The following PZP variants were observed in gnomAD, a reference collection of about 807,000 sequenced individuals.
The protein encoded by PZP is PZP alpha-2-macroglobulin like.
In PZP, 150 loss-of-function variants were observed where a neutral mutation model predicts 179.8. That is an observed-to-expected ratio of 0.83 (90% CI 0.73 to 0.96). The LOEUF is 0.96. PZP is among the 40% of genes least tolerant of loss of function. The probability of loss-of-function intolerance (pLI) is 0.00; values close to 1 mark genes in which losing one functional copy is unlikely to be tolerated. For missense variants in PZP, 1,689 were observed against 1,764.0 expected (o/e 0.96, Z 0.76); for synonymous variants, 624 against 652.3 (o/e 0.96, Z 0.66).
At position 9,160,017 on chromosome 12, in the gene PZP, T is replaced by C; in HGVS notation, c.3058A>G (p.Arg1020Gly). ...TCTTGGTGTTTGTAGTTCAGCTGTC[T>C]CTGGTAACCTGAAATGGAAGGCTTC... ...AVGYLITGYQ[R>G]QLNYKHQDGS... The change falls in exon 25 of 36, where the codon AGA becomes GGA. Residue 1020 changes from arginine to glycine, a missense_variant. Arg to Gly is a moderately radical substitution (Grantham distance 125, BLOSUM62 -2). This residue lies in a region of PZP where 746 missense variants were observed against 749.2 expected (regional missense o/e 1.00). Transcript: ENST00000261336. 3 of 1,613,604 alleles carry C rather than the reference T, an allele frequency of 1.9e-6. No individual in the cohort carries two copies. Among genetic ancestry groups the C allele is most frequent in the Non-Finnish European group, 2.5e-6 (3 of 1,179,538 alleles).
chr12:9,204,501 T>C (rs1944349972), intron 1 of PZP, among the ~76,000 whole-genome samples: 1 of 152,208 alleles, frequency 6.6e-6, no homozygotes, highest in Non-Finnish European at 1.5e-5. Flanking sequence ...CAAAATCATT[T>C]TCTTAATATC....
intron 13 of PZP, among the ~76,000 whole-genome samples, chr12:9,186,893 T>C (rs966599809): frequency 1.7e-4 from 26 of 151,766 alleles, no homozygotes; most frequent in South Asian, 6.3e-4. Context: ...GAGAAATACC[T>C]AATATAGATG....
chr12:9,177,285 A>T (rs2120913086), intron 15 of PZP, among the ~76,000 whole-genome samples: 1 of 152,316 alleles, frequency 6.6e-6, no homozygotes, highest in African/African-American at 2.4e-5. Context: ...ACATTGTGGG[A>T]CACCAGCAGC....
intron 25 of PZP, among the ~76,000 whole-genome samples, 180 bp downstream of exon 25, chr12:9,159,758 T>A (rs1289480457): frequency 2.0e-5 from 3 of 151,452 alleles, no homozygotes; most frequent in Non-Finnish European, 4.4e-5. Context: ...CTCAACTAGA[T>A]GCGGCCCCTA....
At chr12:9,204,127 C>G (rs1260129387) in intron 1 of PZP, among the ~76,000 whole-genome samples, 176 bp from the exon 2 acceptor site, 1 of 152,172 alleles carries the variant, frequency 6.6e-6, no homozygotes, top group Non-Finnish European at 1.5e-5. Flanking sequence ...TTATCTTTTA[C>G]TCATCAGCCA....
In PZP at chr12:9,156,644, C is replaced by T. The variant is rs1371105836; in HGVS notation, c.3550+531G>A. ...TTGGTTTTAGCAAGTAGAAATAAAACTGCATTATTTATCTGCAGCATTATG... is the reference window on the plus strand; with the variant it reads ...TTGGTTTTAGCAAGTAGAAATAAAATTGCATTATTTATCTGCAGCATTATG... On this transcript the variant is annotated intron_variant, in intron 28 of 35. Transcript: ENST00000261336. Among the ~76,000 whole-genome samples the T allele has an allele frequency of 4.6e-5, 7 of 152,310 alleles. No individual in the cohort carries two copies. The East Asian group carries it at 1.3e-3, about 29-fold the overall frequency.
At position 9,161,117 on chromosome 12, in the gene PZP, C is replaced by A. The variant is rs1941172639; in HGVS notation, c.2789-1G>T. 4 of 1,562,814 alleles carry A rather than the reference C, an allele frequency of 2.6e-6. No homozygotes were observed. Among genetic ancestry groups the A allele is most frequent in the Middle Eastern group, 3.4e-4 (2 of 5,896 alleles). On this transcript the variant is annotated splice_acceptor_variant, in intron 22 of 35. Transcript: ENST00000261336. LOFTEE classifies it high-confidence loss of function. ...GACAACTGCTCAGACACATTAGCAC[C>A]TTTAGAAACAGACAGCCCATGTTAA...
rs147359935 is a variant in PZP at position 9,201,045 on chromosome 12, G to A, written c.517C>T (p.Arg173Ter). Reference sequence around the variant, plus strand: ...TTGAGACTCTGCCATTGTGCAATTCGATTTCTTCTTGGGTTCTGAAGGGAA... The same window carrying A: ...TTGAGACTCTGCCATTGTGCAATTCAATTTCTTCTTGGGTTCTGAAGGGAA... Reference protein sequence around the residue: ...LIYLENPRRNRIAQWQSLKLE... With the variant: ...LIYLENPRRN The change falls in exon 6 of 36, where the codon CGA (arginine) becomes TGA (stop). Residue 173 changes from arginine to a stop codon, truncating the protein, a stop_gained. Transcript: ENST00000261336. LOFTEE classifies it high-confidence loss of function. 1.6e-5 allele frequency: 26 copies of A among 1,613,876 alleles called. No homozygotes were observed. In the South Asian group the frequency reaches 2.0e-4, roughly 12 times the overall value.
rs781371458 is a variant in PZP at position 9,164,271 on chromosome 12, T to C, written c.2488-12A>G. On this transcript the variant is annotated splice_polypyrimidine_tract_variant and intron_variant, in intron 19 of 35. Coordinates refer to ENST00000261336, the MANE Select transcript of PZP (RefSeq NM_002864.3). ...AGCTGCACACTGACCTATCACCCCA[T>C]GTGAGGCAGAGACAGAAATGATCAG... is the stretch of plus-strand genomic sequence containing the variant. 13 of 1,611,216 alleles carry C rather than the reference T, an allele frequency of 8.1e-6. No homozygotes were observed. Among genetic ancestry groups the C allele is most frequent in the South Asian group, 7.7e-5 (7 of 90,898 alleles).
At chr12:9,183,096 T>C (rs1942878018) in intron 13 of PZP, among the ~76,000 whole-genome samples, 1 of 152,238 alleles carries the variant, frequency 6.6e-6, no homozygotes, top group Non-Finnish European at 1.5e-5. Context: ...AGAAGAACTA[T>C]AATTGATTTT....
At position 9,204,567 on chromosome 12, in the gene PZP, A is replaced by G. The variant is rs1361767580; in HGVS notation, c.84-616T>C. ...CTCTTAGGCTCCTCAGATACAGCTC[A>G]GTCAAAGTCAATATTTTATCAACGA... On this transcript the variant is annotated intron_variant, in intron 1 of 35. Transcript: ENST00000261336. Among the ~76,000 whole-genome samples the G allele has an allele frequency of 2.0e-5, 3 of 152,132 alleles. No homozygotes were observed. The East Asian group carries it at 5.8e-4, about 29-fold the overall frequency.
chr12:9,149,505 C>T (rs1159146415), intron 35 of PZP, 56 bp downstream of exon 35: 2 of 1,496,280 alleles, frequency 1.3e-6, no homozygotes, highest in Non-Finnish European at 9.2e-7. Context: ...ATTGCAGGGG[C>T]CCTTGGAGAG....
At chr12:9,197,835 AATATATAATATATAATATTAATT>A (rs1019431736) in intron 7 of PZP, among the ~76,000 whole-genome samples, 2 of 71,478 alleles carry the variant, frequency 2.8e-5, no homozygotes, top group African/African-American at 1.1e-4. Context: ...TATATTATAC[AATATATAATATATAATATTAATT>A]ATATATAATA....
chr12:9,202,839 G>A (rs1944243768), intron 2 of PZP, among the ~76,000 whole-genome samples, 155 bp from the exon 3 acceptor site: 1 of 152,170 alleles, frequency 6.6e-6, no homozygotes, highest in East Asian at 1.9e-4. Context: ...ATATTAATGT[G>A]AGATGGAGGA....
chr12:9,197,178 A>G, intron 7 of PZP, 55 bp from the exon 8 acceptor site: 1 of 1,163,570 alleles, frequency 8.6e-7, no homozygotes, highest in East Asian at 2.4e-5. Context: ...ATTTTCCACT[A>G]CCACTCCTCC....
chr12:9,152,926 G>A lies in PZP; in HGVS notation c.4019C>T (p.Pro1340Leu). Residue 1340 changes from proline (P) to leucine (L), a missense_variant, in exon 31 of 36, where the codon CCA (proline) becomes CTA (leucine). Coordinates refer to ENST00000261336, the MANE Select transcript of PZP (RefSeq NM_002864.3). ...LQTSMKYNILPEKEDSPFALK... is the reference protein window; with the variant it reads ...LQTSMKYNILLEKEDSPFALK... Reference sequence around the variant, plus strand: ...AGCAAATGGGGAGTCCTCTTTCTCTGGAAGAATATTGTATTTCATGGATGT... The same window carrying A: ...AGCAAATGGGGAGTCCTCTTTCTCTAGAAGAATATTGTATTTCATGGATGT... 3.1e-6 allele frequency: 5 copies of A among 1,614,086 alleles called. No individual in the cohort carries two copies. Among genetic ancestry groups the A allele is most frequent in the Non-Finnish European group, 3.4e-6 (4 of 1,179,996 alleles).
chr12:9,204,027 A>G, intron 1 of PZP, 76 bp from the exon 2 acceptor site: 2 of 1,356,798 alleles, frequency 1.5e-6, no homozygotes, highest in Non-Finnish European at 2.0e-6. Context: ...TGTTTTCATA[A>G]CAATATGTAT....
the PZP span, among the ~76,000 whole-genome samples, chr12:9,142,056 G>A: frequency 6.6e-6 from 1 of 151,962 alleles, no homozygotes; most frequent in Admixed American, 6.6e-5. Flanking sequence ...GACATGCCTC[G>A]ACTTTGTTGT....
the PZP span, among the ~76,000 whole-genome samples, chr12:9,143,232 C>T: frequency 1.3e-5 from 2 of 152,182 alleles, no homozygotes; most frequent in Non-Finnish European, 2.9e-5. Context: ...GCTGTTTAAT[C>T]TGTGACAAAT....
Sources: gnomAD v4.1 joint callset for allele counts (sites outside exome capture counted in the v4.1 genomes callset) on GRCh38, gnomAD v4.1.1 for gene constraint, gnomAD v4.1.1 regional missense constraint, MANE v1.5 for transcripts, NCBI Gene and HGNC (gene_info 2026-07-23, HGNC 2026-07-21) for gene names.